The following CCAR2 variants were observed in gnomAD, a reference collection of about 807,000 sequenced individuals.
CCAR2 encodes the protein cell cycle and apoptosis regulator protein 2.
In CCAR2, 21 loss-of-function variants were observed where a neutral mutation model predicts 108.1. The observed-to-expected ratio is 0.19, with a 90% confidence interval of 0.14 to 0.28. CCAR2 has a LOEUF of 0.28. Among genes scored for constraint, CCAR2 ranks in the 10% least tolerant of loss-of-function variants. CCAR2 has a pLI of 1.00. For missense variants in CCAR2, 1,126 were observed against 1,177.0 expected, an observed-to-expected ratio of 0.96 and a Z score of 0.63; for synonymous variants, 577 against 472.8, an observed-to-expected ratio of 1.22 and a Z score of -2.86.
chr8:22,606,437 C>T (rs1801082208), intron 3 of CCAR2, among the ~76,000 whole-genome samples, 170 bp from the exon 4 acceptor site: 1 of 152,180 alleles, frequency 6.6e-6, no homozygotes, highest in African/African-American at 2.4e-5. Context: ...CTCAAACATG[C>T]CCCAACCCCT....
chr8:22,607,160 TGG>T, intron 5 of CCAR2, 34 bp from the exon 6 acceptor site: 1 of 1,612,406 alleles, frequency 6.2e-7, no homozygotes, highest in Non-Finnish European at 8.5e-7. Context: ...GCCTCAACCA[TGG>T]GGTCCCCTGA....
At chr8:22,607,498 C>G (rs919358165) in intron 6 of CCAR2, among the ~76,000 whole-genome samples, 173 bp downstream of exon 6, 1 of 137,368 alleles carries the variant, frequency 7.3e-6, no homozygotes, top group African/African-American at 2.7e-5. Flanking sequence ...GATGGAGTCT[C>G]GCTCTGTTGC....
chr8:22,611,108 C>G (rs898401602), intron 7 of CCAR2, among the ~76,000 whole-genome samples: 1 of 151,678 alleles, frequency 6.6e-6, no homozygotes, highest in Non-Finnish European at 1.5e-5. Context: ...TGCCTGTAAT[C>G]CTAGCACTTT....
In CCAR2 at chr8:22,619,737, T is replaced by C. The variant is rs1801688523; in HGVS notation, c.*55T>C. 3 of 1,538,708 alleles carry C rather than the reference T, an allele frequency of 1.9e-6. No homozygotes were observed. Among genetic ancestry groups the C allele is most frequent in the East Asian group, 4.9e-5 (2 of 40,964 alleles). ...GGGCAGCGGTGGCGCCCGGCAAAGT[T>C]GGAGCCCTTGCGGTACCAGAAAGCA... On this transcript the variant is annotated 3_prime_UTR_variant, in exon 21 of 21. Transcript: ENST00000308511.
Position 22,613,072 on chromosome 8 carries a change from G to A in CCAR2, c.640G>A (p.Ala214Thr), listed in dbSNP as rs138079032. 2 of 1,612,864 alleles carry A rather than the reference G, an allele frequency of 1.2e-6. No homozygotes were observed. The highest frequency in any genetic ancestry group is 1.7e-6 in the Non-Finnish European group (2 of 1,179,594). The change falls in exon 8 of 21, where the codon GCT (alanine) becomes ACT (threonine). Residue 214 changes from alanine to threonine, a missense_variant. Ala to Thr is a moderately conservative substitution (Grantham distance 58). This residue lies in a region of CCAR2 where 1,013 missense variants were observed against 993.9 expected (regional missense o/e 1.02). Coordinates refer to ENST00000308511, the MANE Select transcript of CCAR2 (RefSeq NM_001393997.1). Reference protein sequence around the residue: ...KQRAGGEPWGAKKPRHDLPPY... With the variant: ...KQRAGGEPWGTKKPRHDLPPY... ...GCGGGCTGGTGGAGAGCCCTGGGGT[G>A]CTAAGAAGCCAAGGCATGACCTGCC...
chr8:22,607,346 T>C (rs1481798418), intron 6 of CCAR2, 21 bp downstream of exon 6: 1 of 1,606,936 alleles, frequency 6.2e-7, no homozygotes, highest in Admixed American at 1.7e-5. Flanking sequence ...GTGGCACTGT[T>C]GTTGGGTGTG....
intron 7 of CCAR2, among the ~76,000 whole-genome samples, chr8:22,609,059 T>C (rs1248515550): frequency 6.6e-6 from 1 of 151,226 alleles, no homozygotes; most frequent in Admixed American, 6.6e-5. Flanking sequence ...TTTCTTTTTT[T>C]TTTTTTTTTG....
Position 22,614,278 on chromosome 8 carries a change from C to G in CCAR2, c.891C>G (p.Pro297=). 3 of 1,614,098 alleles carry G rather than the reference C, an allele frequency of 1.9e-6. No homozygotes were observed. Among genetic ancestry groups the G allele is most frequent in the Non-Finnish European group, 2.5e-6 (3 of 1,180,018 alleles). ...KEAAPDAGAE[P]ITADSDPAYS... The stretch of plus-strand genomic sequence containing the variant: ...CAGCTCCAGACGCTGGTGCTGAGCC[C>G]ATCACTGCAGACAGTGACCCCGCTT... The change falls in exon 9 of 21, where the codon CCC becomes CCG. Residue 297 remains proline (P), a synonymous_variant. Coordinates refer to ENST00000308511, the MANE Select transcript of CCAR2 (RefSeq NM_001393997.1).
rs1325432704 is a variant in CCAR2 at position 22,607,028 on chromosome 8, T to G, written c.357+4T>G. ...GGTGCAAACGCTCTCCAACCAGGTA[T>G]TCATATCTCCTTAGCATGTGCATTG... On this transcript the variant is annotated splice_donor_region_variant and intron_variant, in intron 5 of 20. Coordinates refer to ENST00000308511, the MANE Select transcript of CCAR2 (RefSeq NM_001393997.1). The G allele has an allele frequency of 6.2e-7, 1 of 1,613,860 alleles. No individual in the cohort carries two copies. The highest frequency in any genetic ancestry group is 2.2e-5 in the East Asian group (1 of 44,884).
At chr8:22,606,486 G>C in intron 3 of CCAR2, 121 bp from the exon 4 acceptor site, 1 of 780,556 alleles carries the variant, frequency 1.3e-6, no homozygotes. Context: ...ACTTCACTCT[G>C]TGCGAACTCT....
rs201390447 is a variant in CCAR2 at position 22,607,963 on chromosome 8, C to T, written c.488-6C>T. ...TTTTGAGTCACCAGTCATTTCCTTTCTGCAGCTCTGAGTCTCTTCCAAACA... is the reference window on the plus strand; with the variant it reads ...TTTTGAGTCACCAGTCATTTCCTTTTTGCAGCTCTGAGTCTCTTCCAAACA... On this transcript the variant is annotated splice_region_variant and splice_polypyrimidine_tract_variant and intron_variant, in intron 6 of 20. Coordinates refer to ENST00000308511, the MANE Select transcript of CCAR2 (RefSeq NM_001393997.1). 18 of 1,613,284 alleles carry T rather than the reference C, an allele frequency of 1.1e-5. No individual in the cohort carries two copies. Among genetic ancestry groups the T allele is most frequent in the South Asian group, 6.6e-5 (6 of 91,000 alleles).
intron 14 of CCAR2, 94 bp downstream of exon 14, chr8:22,616,342 T>G: frequency 8.8e-7 from 1 of 1,131,238 alleles, no homozygotes; most frequent in South Asian, 1.3e-5. Context: ...GTGCCTTAGC[T>G]CATTCCCTGC....
At chr8:22,608,165 C>T in intron 7 of CCAR2, 100 bp downstream of exon 7, 1 of 916,244 alleles carries the variant, frequency 1.1e-6, no homozygotes, top group Non-Finnish European at 1.7e-6. Context: ...GAACCCAGGT[C>T]AACTGCTTGG....
chr8:22,618,789 A>C, intron 18 of CCAR2, 38 bp from the exon 19 acceptor site: 1 of 1,613,260 alleles, frequency 6.2e-7, no homozygotes. Context: ...CCCTCTCTGG[A>C]GACTCCATCC....
chr8:22,614,863 A>T lies in CCAR2; in HGVS notation c.1067A>T (p.Glu356Val), dbSNP rs184739367. ...TTTTTGCTGGGCAGGAAAGAAGAGG[A>T]GGCAGTGCTGGTTGGGGGTGAATGG... Reference protein sequence around the residue: ...IKFLLGRKEEEAVLVGGEWSP... With the variant: ...IKFLLGRKEEVAVLVGGEWSP... The change falls in exon 11 of 21, where the codon GAG becomes GTG. Residue 356 changes from glutamate to valine, a missense_variant. By Grantham distance (121) the Glu-to-Val change is moderately radical (BLOSUM62 -2). Coordinates refer to ENST00000308511, the MANE Select transcript of CCAR2 (RefSeq NM_001393997.1). 1.9e-6 allele frequency: 3 copies of T among 1,603,938 alleles called. No homozygotes were observed. The African/African-American group carries it at 4.2e-5, about 23-fold the overall frequency.
chr8:22,615,241 G>A (rs777724832), intron 11 of CCAR2, 184 bp from the exon 12 acceptor site: 17 of 869,044 alleles, frequency 2.0e-5, no homozygotes, highest in Admixed American at 2.8e-5. Context: ...TGTGGTTGCG[G>A]CCTCCCCACT....
intron 8 of CCAR2, among the ~76,000 whole-genome samples, chr8:22,613,687 CA>C (rs1203938497): frequency 2.0e-5 from 3 of 152,184 alleles, no homozygotes; most frequent in Non-Finnish European, 4.4e-5. Context: ...GTTGGTGACA[CA>C]TGATAATGTG....
intron 1 of CCAR2, 29 bp downstream of exon 1, chr8:22,604,871 C>T (rs1480198152): frequency 2.2e-6 from 1 of 447,624 alleles, no homozygotes; most frequent in South Asian, 1.6e-5. Context: ...TGCCGCCCCT[C>T]TGCCCCTTCG....
chr8:22,607,757 T>C (rs569197898), intron 6 of CCAR2, among the ~76,000 whole-genome samples: 1 of 152,284 alleles, frequency 6.6e-6, no homozygotes, highest in Admixed American at 6.5e-5. Context: ...CCTGAGTAGC[T>C]GGGACTACAG....
Sources: gnomAD v4.1 joint callset for allele counts (sites outside exome capture counted in the v4.1 genomes callset) on GRCh38, gnomAD v4.1.1 for gene constraint, gnomAD v4.1.1 regional missense constraint, MANE v1.5 for transcripts, NCBI Gene and HGNC (gene_info 2026-07-23, HGNC 2026-07-21) for gene names.